Variants in RPS6KC1 observed in about 807,000 individuals in gnomAD.
RPS6KC1 encodes inactive ribosomal protein S6 kinase delta-1.
Under a neutral mutation model 103.8 loss-of-function variants are expected in RPS6KC1, and 54 were observed. The ratio of observed to expected loss-of-function variants is 0.52; its 90% confidence interval spans 0.42 to 0.65. RPS6KC1 has a LOEUF of 0.65. Ranked by LOEUF, RPS6KC1 falls within the 30% of genes least tolerant of loss-of-function variation. RPS6KC1 has a pLI of 0.00. For synonymous variants in RPS6KC1, 439 were observed against 438.7 expected (o/e 1.00, Z -0.01); for missense variants, 1,151 against 1,253.8 (o/e 0.92, Z 1.24).
At chr1:213,324,682 T>A in the RPS6KC1 span, among the ~76,000 whole-genome samples, 6 of 149,740 alleles carry the variant, frequency 4.0e-5, no homozygotes, top group African/African-American at 7.3e-5. Context: ...GTCTGTGTTA[T>A]ACCTGTACCT....
At chr1:213,693,323 G>A in the RPS6KC1 span, among the ~76,000 whole-genome samples, 45 of 152,086 alleles carry the variant, frequency 3.0e-4, no homozygotes, top group African/African-American at 8.7e-4. Context: ...AGAAGCTTTC[G>A]TTGACCATGC....
intron 6 of RPS6KC1, among the ~76,000 whole-genome samples, chr1:213,148,291 A>T (rs2088131269): frequency 6.6e-6 from 1 of 152,160 alleles, no homozygotes; most frequent in African/African-American, 2.4e-5. Flanking sequence ...GTTTTTCTGC[A>T]TTCAGTATAC....
the RPS6KC1 span, among the ~76,000 whole-genome samples, chr1:213,782,831 A>C: frequency 6.6e-6 from 1 of 152,208 alleles, no homozygotes; most frequent in African/African-American, 2.4e-5. Context: ...AATAAGGGTA[A>C]GGCACAACAG....
chr1:213,313,109 T>G, the RPS6KC1 span, among the ~76,000 whole-genome samples: 1 of 152,228 alleles, frequency 6.6e-6, no homozygotes, highest in Non-Finnish European at 1.5e-5. Context: ...TTTGCTGTTC[T>G]TATTTATCTG....
At chr1:213,445,490 C>T in the RPS6KC1 span, among the ~76,000 whole-genome samples, 1 of 152,102 alleles carries the variant, frequency 6.6e-6, no homozygotes. Flanking sequence ...CCTTATTTAT[C>T]TTTTCAGTGG....
chr1:213,211,577 A>G (rs773943046), intron 8 of RPS6KC1, among the ~76,000 whole-genome samples: 1 of 152,272 alleles, frequency 6.6e-6, no homozygotes, highest in Non-Finnish European at 1.5e-5. Flanking sequence ...TTTATAAAGT[A>G]ATAGATGTAT....
At chr1:213,787,032 T>G in the RPS6KC1 span, among the ~76,000 whole-genome samples, 1 of 152,198 alleles carries the variant, frequency 6.6e-6, no homozygotes, top group Admixed American at 6.5e-5. Flanking sequence ...ATGAAATGAT[T>G]AAGCAATTAA....
chr1:213,428,506 C>CTTCCTTCCTTCCTTCT, the RPS6KC1 span, among the ~76,000 whole-genome samples: 2 of 65,202 alleles, frequency 3.1e-5, no homozygotes, highest in African/African-American at 5.5e-5. Context: ...TCCTTCCTTC[C>CTTCCTTCCTTCCTTCT]TTCCTTCCTT....
chr1:213,748,136 G>A, the RPS6KC1 span, among the ~76,000 whole-genome samples: 1 of 152,134 alleles, frequency 6.6e-6, no homozygotes, highest in Admixed American at 6.5e-5. Context: ...GCTCACAGAT[G>A]GCCCATGACT....
rs1213484659 is a variant in RPS6KC1 at position 213,151,675 on chromosome 1, C to T, written c.836-16183C>T. Reference sequence around the variant, plus strand: ...CTCCTCACTTCCCAGTAGGGGCGGCCGGGCAGACGCGCCCCTCACCTCCCG... The same window carrying T: ...CTCCTCACTTCCCAGTAGGGGCGGCTGGGCAGACGCGCCCCTCACCTCCCG... On this transcript the variant is annotated intron_variant, in intron 6 of 14. Coordinates refer to ENST00000366960, the MANE Select transcript of RPS6KC1 (RefSeq NM_012424.6). 1.5e-4 allele frequency among the ~76,000 whole-genome samples: 13 copies of T among 89,346 alleles called. 1 individual carries two copies. The highest frequency in any genetic ancestry group is 2.7e-4 in the African/African-American group (5 of 18,582). 58.6% of individuals were successfully genotyped at this position (89,346 alleles called of 152,430 possible).
intron 8 of RPS6KC1, among the ~76,000 whole-genome samples, chr1:213,223,840 CT>C (rs1458839101): frequency 6.6e-6 from 1 of 152,080 alleles, no homozygotes. Context: ...ATTATTTTAA[CT>C]TGTATTAATT....
chr1:213,698,841 C>T, the RPS6KC1 span, among the ~76,000 whole-genome samples: 1 of 151,910 alleles, frequency 6.6e-6, no homozygotes, highest in Non-Finnish European at 1.5e-5. Context: ...GTTTCCATTT[C>T]ATTTTGTTCA....
chr1:213,815,047 G>A, the RPS6KC1 span, among the ~76,000 whole-genome samples: 1 of 152,162 alleles, frequency 6.6e-6, no homozygotes, highest in Non-Finnish European at 1.5e-5. Context: ...ATGGGAGGGA[G>A]CCATTGGGGG....
At chr1:213,529,819 G>A in the RPS6KC1 span, among the ~76,000 whole-genome samples, 21 of 152,240 alleles carry the variant, frequency 1.4e-4, no homozygotes, top group East Asian at 1.2e-3. Context: ...TATACTAAAT[G>A]TTTTGTGAAT....
At chr1:213,702,261 C>A in the RPS6KC1 span, among the ~76,000 whole-genome samples, 1 of 151,646 alleles carries the variant, frequency 6.6e-6, no homozygotes, top group Non-Finnish European at 1.5e-5. Context: ...AGTTTTATTC[C>A]ATTTCAGTCA....
rs1299376832 is a variant in RPS6KC1, at chr1:213,205,692, TA to T, written c.1045-24804del. ...TTATTTTGAAAATAAGATGCAACCA[TA>T]TATTTTTGACATAAATTATAGTTAT... On this transcript the variant is annotated intron_variant, in intron 8 of 14. Coordinates refer to ENST00000366960, the MANE Select transcript of RPS6KC1 (RefSeq NM_012424.6). Among the ~76,000 whole-genome samples the T allele has an allele frequency of 2.0e-5, 3 of 151,130 alleles. No individual in the cohort carries two copies. In the East Asian group the frequency reaches 5.8e-4, roughly 29 times the overall value.
the RPS6KC1 span, among the ~76,000 whole-genome samples, chr1:213,343,833 T>G: frequency 1.3e-5 from 2 of 152,182 alleles, no homozygotes; most frequent in South Asian, 4.2e-4. Context: ...AGTTTTTTTT[T>G]GGGAGGAAAA....
chr1:213,767,568 G>T, the RPS6KC1 span, among the ~76,000 whole-genome samples: 10 of 151,724 alleles, frequency 6.6e-5, no homozygotes, highest in Non-Finnish European at 1.5e-5. Flanking sequence ...ATCTCTCTCT[G>T]TCAGTCGCTG....
chr1:213,775,453 C>G, the RPS6KC1 span, among the ~76,000 whole-genome samples: 1 of 152,114 alleles, frequency 6.6e-6, no homozygotes, highest in African/African-American at 2.4e-5. Flanking sequence ...TGCAATAAAG[C>G]AAGCCACACA....
Sources: allele counts gnomAD v4.1 joint callset (sites outside exome capture counted in the v4.1 genomes callset), GRCh38; gene constraint gnomAD v4.1.1; transcripts MANE v1.5; gene names NCBI Gene and HGNC (gene_info 2026-07-23, HGNC 2026-07-21).